The following JMJD1C variants were observed in gnomAD, a reference collection of about 807,000 sequenced individuals.
JMJD1C encodes the protein jumonji domain containing 1C.
JMJD1C carries 31 observed loss-of-function variants against 245.3 expected under a neutral mutation model. That is an observed-to-expected ratio of 0.13 (90% CI 0.09 to 0.17). JMJD1C has a LOEUF of 0.17. Among genes scored for constraint, JMJD1C ranks in the 10% least tolerant of loss-of-function variants. JMJD1C has a pLI of 1.00. For synonymous variants in JMJD1C, 1,057 were observed against 1,017.4 expected (o/e 1.04, Z -0.74); for missense variants, 2,691 against 3,000.2 (o/e 0.90, Z 2.41).
intron 2 of JMJD1C, among the ~76,000 whole-genome samples, chr10:63,286,944 A>C (rs1858052771): frequency 6.6e-6 from 1 of 152,222 alleles, no homozygotes; most frequent in East Asian, 1.9e-4. Flanking sequence ...TAAGAGGAAC[A>C]AAGAAAAAGT....
At chr10:63,168,992 AC>A (rs1242624417) in intron 24 of JMJD1C, among the ~76,000 whole-genome samples, 7 of 152,300 alleles carry the variant, frequency 4.6e-5, no homozygotes, top group African/African-American at 1.7e-4. Context: ...GTTAACTCTT[AC>A]ATCAGAGAAT....
At chr10:63,323,684 GA>G (rs1202825793) in intron 2 of JMJD1C, among the ~76,000 whole-genome samples, 3 of 152,166 alleles carry the variant, frequency 2.0e-5, no homozygotes, top group Non-Finnish European at 2.9e-5. Flanking sequence ...TATAAAATGA[GA>G]TGGCTAGTAC....
intron 18 of JMJD1C, 143 bp from the exon 19 acceptor site, chr10:63,186,526 G>A: frequency 1.8e-6 from 1 of 563,002 alleles, no homozygotes; most frequent in East Asian, 3.2e-5. Context: ...GTCACCCTTT[G>A]GGCTCAATCA....
intron 1 of JMJD1C, among the ~76,000 whole-genome samples, chr10:63,385,415 C>A (rs1447787440): frequency 1.1e-5 from 1 of 93,282 alleles, no homozygotes; most frequent in Non-Finnish European, 2.2e-5. Flanking sequence ...CCTGCCCCCG[C>A]CTTTTTTTTT....
chr10:63,247,719 C>CCA (rs780395928), intron 3 of JMJD1C, among the ~76,000 whole-genome samples: 4 of 105,504 alleles, frequency 3.8e-5, no homozygotes, highest in Non-Finnish European at 7.2e-5. Flanking sequence ...GTGACAGAGC[C>CCA]AAAAAAAAAA....
rs1943597874 is a variant in JMJD1C at position 63,344,004 on chromosome 10, C to T, written c.333+36314G>A. On this transcript the variant is annotated intron_variant, in intron 2 of 25. Coordinates refer to ENST00000399262, the MANE Select transcript of JMJD1C (RefSeq NM_032776.3). ...AGTGAGCCAAGACAGCAACACTACA[C>T]TCCAGCCCGGGCAGCAGATAGAGAC... Among the ~76,000 whole-genome samples the T allele has an allele frequency of 3.9e-5, 6 of 152,126 alleles. No homozygotes were observed. In the South Asian group the frequency reaches 1.2e-3, roughly 32 times the overall value.
At chr10:63,177,057 C>T (rs1842927437) in intron 23 of JMJD1C, 1 of 152,568 alleles carries the variant, frequency 6.6e-6, no homozygotes, top group Non-Finnish European at 1.5e-5. Context: ...AACTCTTTTA[C>T]TTCACATTGA....
intron 1 of JMJD1C, among the ~76,000 whole-genome samples, chr10:63,505,808 T>A (rs751339744): frequency 6.2e-5 from 9 of 145,636 alleles, no homozygotes; most frequent in Non-Finnish European, 7.5e-5. Flanking sequence ...TAGATAGCCC[T>A]CCTCCCCCCA....
At chr10:63,411,817 T>C (rs1949501031) in intron 1 of JMJD1C, among the ~76,000 whole-genome samples, 1 of 151,264 alleles carries the variant, frequency 6.6e-6, no homozygotes, top group African/African-American at 2.4e-5. Context: ...TTAGCCAGTA[T>C]GGCCTCGATC....
rs531951949 is a variant in JMJD1C at position 63,280,577 on chromosome 10, T to C, written c.334-15813A>G. 1.2e-4 allele frequency among the ~76,000 whole-genome samples: 19 copies of C among 152,200 alleles called. No individual in the cohort carries two copies. In the East Asian group the frequency reaches 3.5e-3, roughly 28 times the overall value. The stretch of plus-strand genomic sequence containing the variant: ...AAAAAAAAAGATTCTGAATGAAAAT[T>C]TGTCAAGTCGTCACTATAAGGAATA... On this transcript the variant is annotated intron_variant, in intron 2 of 25. Transcript: ENST00000399262.
chr10:63,206,573 TAAAAC>T lies in JMJD1C; in HGVS notation c.5074+17_5074+21del, dbSNP rs749119959. Reference sequence around the variant, plus strand: ...AACATTCAGCCCATTTTACCTGAGATAAAACAAAGTAACTGACTTACTATTACTGT... The same window carrying T: ...AACATTCAGCCCATTTTACCTGAGATAAAGTAACTGACTTACTATTACTGT... On this transcript the variant is annotated intron_variant, in intron 10 of 25. Coordinates refer to ENST00000399262, the MANE Select transcript of JMJD1C (RefSeq NM_032776.3). 1.2e-4 allele frequency: 192 copies of T among 1,543,322 alleles called. No homozygotes were observed. The African/African-American group carries it at 2.4e-3, about 19-fold the overall frequency.
intron 1 of JMJD1C, among the ~76,000 whole-genome samples, chr10:63,444,257 G>A (rs1951559648): frequency 6.6e-6 from 1 of 152,016 alleles, no homozygotes; most frequent in Non-Finnish European, 1.5e-5. Context: ...AAAAATTCTA[G>A]GACATTTCTA....
At chr10:63,474,455 T>G (rs974584239) in intron 1 of JMJD1C, among the ~76,000 whole-genome samples, 1 of 150,228 alleles carries the variant, frequency 6.7e-6, no homozygotes, top group African/African-American at 2.5e-5. Flanking sequence ...TTTTTTTTTG[T>G]TTTTTTTTGA....
In JMJD1C at chr10:63,219,977, T is replaced by A; in HGVS notation, c.454A>T (p.Ile152Leu). The change falls in exon 4 of 26, where the codon ATA (isoleucine) becomes TTA (leucine). Residue 152 changes from isoleucine to leucine, a missense_variant. By Grantham distance (5) the Ile-to-Leu change is conservative. This residue lies in a region of JMJD1C where 172 missense variants were observed against 240.8 expected (regional missense o/e 0.71). Transcript: ENST00000399262. The part of the protein sequence containing the change: ...DSAFQPYQDD[I>L]DSLNPVLRDN... ...CTGAGAACTGGGTTTAGGCTGTCTA[T>A]GTCGTCCTAGAATTATAGATTAAAA... 2 of 1,611,016 alleles carry A rather than the reference T, an allele frequency of 1.2e-6. No individual in the cohort carries two copies. Among genetic ancestry groups the A allele is most frequent in the Non-Finnish European group, 1.7e-6 (2 of 1,177,604 alleles).
intron 2 of JMJD1C, among the ~76,000 whole-genome samples, chr10:63,305,383 AC>A (rs1487052943): frequency 3.6e-4 from 35 of 96,388 alleles, no homozygotes; most frequent in Middle Eastern, 5.9e-3. Flanking sequence ...AAAACAAAAA[AC>A]AAAAAAGGTT....
At chr10:63,452,816 C>T (rs1013178722) in intron 1 of JMJD1C, among the ~76,000 whole-genome samples, 1 of 151,990 alleles carries the variant, frequency 6.6e-6, no homozygotes, top group African/African-American at 2.4e-5. Context: ...AAGCCAGACA[C>T]AAAAGTACAA....
intron 1 of JMJD1C, among the ~76,000 whole-genome samples, chr10:63,473,999 C>T (rs960981864): frequency 4.0e-5 from 6 of 151,536 alleles, no homozygotes; most frequent in Admixed American, 6.6e-5. Context: ...GCCGAGATTG[C>T]GCTATTGCAC....
chr10:63,430,709 T>C (rs182679650), intron 1 of JMJD1C, among the ~76,000 whole-genome samples: 323 of 152,310 alleles, frequency 2.1e-3, no homozygotes, highest in Non-Finnish European at 3.5e-3. Flanking sequence ...ATGAATTTTA[T>C]AAGGTTTAAT....
chr10:63,272,897 G>C (rs1169900571), intron 2 of JMJD1C, among the ~76,000 whole-genome samples: 8 of 152,180 alleles, frequency 5.3e-5, no homozygotes, highest in Admixed American at 1.3e-4. Context: ...AAGTACTTCA[G>C]TCCCTTACAG....
Sources: allele counts gnomAD v4.1 joint callset (sites outside exome capture counted in the v4.1 genomes callset), GRCh38; gene constraint gnomAD v4.1.1; regional missense constraint gnomAD v4.1.1; transcripts MANE v1.5; gene names NCBI Gene and HGNC (gene_info 2026-07-23, HGNC 2026-07-21).